Variants in TRMU observed in about 807,000 individuals in gnomAD.
TRMU encodes the protein tRNA mitochondrial 2-thiouridylase.
A neutral mutation model predicts 46.9 loss-of-function variants in TRMU; 49 were observed. The observed-to-expected ratio is 1.05, with a 90% CI of 0.83 to 1.33. The LOEUF is 1.33. Ranked by LOEUF, TRMU falls within the 40% of genes most tolerant of loss-of-function variation. The pLI, the probability that TRMU is intolerant of heterozygous loss-of-function variation, is 0.00. For missense variants in TRMU, 572 were observed against 532.4 expected (o/e 1.07, Z -0.73); for synonymous variants, 241 against 200.9 (o/e 1.20, Z -1.69).
rs1405819219 is a variant in TRMU, at chr22:46,337,717, T to C, written c.83-62T>C. On this transcript the variant is annotated intron_variant, in intron 1 of 10. Transcript: ENST00000645190. ...TGGGGAACTTCTCAGAGCTCAGAAA[T>C]CACTGCCGTTTTACCGAAGGTTGAT... 8.7e-6 allele frequency: 14 copies of C among 1,601,472 alleles called. No homozygotes were observed. In the East Asian group the frequency reaches 3.1e-4, roughly 36 times the overall value.
chr22:46,339,882 C>G lies in TRMU; in HGVS notation c.248+1938C>G, dbSNP rs1028350342. Among the ~76,000 whole-genome samples, 3 of 151,724 alleles carry G rather than the reference C, an allele frequency of 2.0e-5. No individual in the cohort carries two copies. The highest frequency in any genetic ancestry group is 2.9e-5 in the Non-Finnish European group (2 of 67,994). ...CATGATAAATGCATTAAAAACTTAT[C>G]TGTAGAATGCATGATAAATGCATTA... is the stretch of plus-strand genomic sequence containing the variant. On this transcript the variant is annotated intron_variant, in intron 2 of 10. Transcript: ENST00000645190. This position sits in a 1 kb window ranked among gnomAD's most constrained non-coding sequence, Gnocchi z 4.8.
intron 3 of TRMU, among the ~76,000 whole-genome samples, chr22:46,345,871 A>G (rs1210752733): frequency 4.6e-5 from 7 of 151,736 alleles, no homozygotes; most frequent in Non-Finnish European, 1.5e-5. Context: ...AGGTTGAAGC[A>G]ATCCTCCCAC....
chr22:46,346,837 A>T (rs764524880), intron 4 of TRMU, among the ~76,000 whole-genome samples: 2 of 152,218 alleles, frequency 1.3e-5, no homozygotes, highest in Non-Finnish European at 2.9e-5. Context: ...GAATGTTCCA[A>T]AAATATCTGG....
chr22:46,337,522 C>T (rs2078009676), intron 1 of TRMU, among the ~76,000 whole-genome samples: 1 of 152,184 alleles, frequency 6.6e-6, no homozygotes, highest in South Asian at 2.1e-4. Context: ...GGCTGATCCC[C>T]TCCTGCTAGG....
Position 46,348,686 on chromosome 22 carries a change from A to G in TRMU, c.479-1605A>G, listed in dbSNP as rs933304959. Among the ~76,000 whole-genome samples, 1 of 152,212 alleles carries G rather than the reference A, an allele frequency of 6.6e-6. No individual in the cohort carries two copies. Among genetic ancestry groups the G allele is most frequent in the African/African-American group, 2.4e-5 (1 of 41,458 alleles). On this transcript the variant is annotated intron_variant, in intron 4 of 10. Coordinates refer to ENST00000645190, the MANE Select transcript of TRMU (RefSeq NM_018006.5). This position sits in a 1 kb window ranked among gnomAD's most constrained non-coding sequence, Gnocchi z 4.8. ...CTTTCTGTGCTTTTTCCTCTATAGC[A>G]GTTCAGTTAGGGTCGCCAGCTTGCT...
rs201743550 is a variant in TRMU, at chr22:46,348,978, C to CA, written c.479-1303dup. ...TGAAACCCCATCTCTACTACAAATA[C>CA]AAAAAAAAAAGTTAGCCGAGTATGG... On this transcript the variant is annotated intron_variant, in intron 4 of 10. Coordinates refer to ENST00000645190, the MANE Select transcript of TRMU (RefSeq NM_018006.5). The surrounding 1 kb of genome is among the most constrained non-coding windows in gnomAD (Gnocchi z 4.8). Among the ~76,000 whole-genome samples the CA allele has an allele frequency of 8.2e-5, 12 of 147,008 alleles. No individual in the cohort carries two copies. Among genetic ancestry groups the CA allele is most frequent in the African/African-American group, 2.2e-4 (9 of 40,166 alleles).
intron 7 of TRMU, chr22:46,352,533 T>C: frequency 1.6e-6 from 1 of 641,124 alleles, no homozygotes. Flanking sequence ...AGATGTGGCC[T>C]CAGCTGAGAT....
At position 46,336,497 on chromosome 22, in the gene TRMU, C is replaced by A. The variant is rs1352548650; in HGVS notation, c.82+651C>A. ...GTGGCTCCCCGCGGGAGGCCTCATT[C>A]ACAGAGTCACGTTTGTGGAGCTCTG... On this transcript the variant is annotated intron_variant, in intron 1 of 10. Transcript: ENST00000645190. The surrounding 1 kb of genome is among the most constrained non-coding windows in gnomAD (Gnocchi z 4.1). 1 of 152,358 alleles carries A rather than the reference C, an allele frequency of 6.6e-6. No homozygotes were observed. The highest frequency in any genetic ancestry group is 6.5e-5 in the Admixed American group (1 of 15,298). The allele number at this position is 152,358 out of a possible 1,614,324, so 9.4% of individuals were successfully genotyped here.
rs1209580090 is a variant in TRMU at position 46,335,911 on chromosome 22, G to T, written c.82+65G>T. 4.0e-6 allele frequency: 6 copies of T among 1,518,626 alleles called. No individual in the cohort carries two copies. In the Admixed American group the frequency reaches 6.0e-5, roughly 15 times the overall value. The allele number at this position is 1,518,626 out of a possible 1,614,324, so 94.1% of individuals were successfully genotyped here. A position where few individuals can be genotyped will look rare whatever the true frequency, so the allele number is the denominator to read the frequency against. On this transcript the variant is annotated intron_variant, in intron 1 of 10. Transcript: ENST00000645190. ...TGTCCCCGGAAACCTGTCCCCGTCC[G>T]TCGTGGCGTTGTGCACGTCTCCTCC...
chr22:46,353,841 G>A lies in TRMU; in HGVS notation c.847G>A (p.Asp283Asn). Residue 283 changes from aspartate to asparagine, a missense_variant, in exon 8 of 11, where the codon GAC becomes AAC. Coordinates refer to ENST00000645190, the MANE Select transcript of TRMU (RefSeq NM_018006.5). ...LREPWYVVEK[D>N]SVKGDVFVAP... ...AGAGCCCTGGTACGTGGTGGAGAAGGACAGCGTCAAGGGTGACGTGTTTGT... is the reference window on the plus strand; with the variant it reads ...AGAGCCCTGGTACGTGGTGGAGAAGAACAGCGTCAAGGGTGACGTGTTTGT... 2 of 1,613,954 alleles carry A rather than the reference G, an allele frequency of 1.2e-6. No individual in the cohort carries two copies. Among genetic ancestry groups the A allele is most frequent in the Non-Finnish European group, 1.7e-6 (2 of 1,179,894 alleles).
At chr22:46,356,342 C>T (rs1173771398) in intron 10 of TRMU, 7 of 519,156 alleles carry the variant, frequency 1.3e-5, no homozygotes, top group Non-Finnish European at 1.1e-5. Context: ...GAAGCGAGGA[C>T]AGAAAATGGA....
chr22:46,351,567 G>A lies in TRMU; in HGVS notation c.652-554G>A, dbSNP rs1197138596. The A allele has an allele frequency of 2.1e-5, 4 of 190,844 alleles. No individual in the cohort carries two copies. Among genetic ancestry groups the A allele is most frequent in the South Asian group, 1.1e-4 (1 of 9,280 alleles). 11.8% of individuals were successfully genotyped at this position (190,844 alleles called of 1,614,324 possible). A position where few individuals can be genotyped will look rare whatever the true frequency, so the allele number is the denominator to read the frequency against. ...CCTCTTGTTTTCCGTTTCCGGTGTCGCTCTGTGGTGGGAGCCGCAGGGATG... is the reference window on the plus strand; with the variant it reads ...CCTCTTGTTTTCCGTTTCCGGTGTCACTCTGTGGTGGGAGCCGCAGGGATG... On this transcript the variant is annotated intron_variant, in intron 5 of 10. Transcript: ENST00000645190. The surrounding 1 kb of genome is among the most constrained non-coding windows in gnomAD (Gnocchi z 6.4).
In TRMU at chr22:46,351,101, AAAG is replaced by A. The variant is rs1240849676; in HGVS notation, c.651+642_651+644del. On this transcript the variant is annotated intron_variant, in intron 5 of 10. Transcript: ENST00000645190. The surrounding 1 kb of genome is among the most constrained non-coding windows in gnomAD (Gnocchi z 6.4). ...AATGGAGATGCCAAAAACGGCCTCA[AAAG>A]AAGTCACATGGAACCTGAGACCTGA... is the stretch of plus-strand genomic sequence containing the variant. Among the ~76,000 whole-genome samples, 113 of 152,312 alleles carry A rather than the reference AAAG, an allele frequency of 7.4e-4. No homozygotes were observed. Among genetic ancestry groups the A allele is most frequent in the Non-Finnish European group, 2.4e-4 (16 of 68,004 alleles).
chr22:46,346,282 GT>G (rs1240429046), intron 3 of TRMU, 139 bp from the exon 4 acceptor site: 2 of 1,001,020 alleles, frequency 2.0e-6, no homozygotes, highest in Non-Finnish European at 2.8e-6. Flanking sequence ...GGATCTCTAT[GT>G]TTGGGTGCAG....
intron 4 of TRMU, among the ~76,000 whole-genome samples, chr22:46,346,855 T>C (rs1399270163): frequency 6.6e-6 from 1 of 152,240 alleles, no homozygotes; most frequent in Non-Finnish European, 1.5e-5. Flanking sequence ...TGGGTAAATA[T>C]TTGACAGTGA....
chr22:46,355,358 G>A, intron 8 of TRMU, 86 bp from the exon 9 acceptor site: 1 of 1,554,170 alleles, frequency 6.4e-7, no homozygotes, highest in Non-Finnish European at 8.7e-7. Context: ...TGTGCTGGTA[G>A]GACAGTTGTT....
chr22:46,338,682 A>C lies in TRMU; in HGVS notation c.248+738A>C, dbSNP rs2078043639. 6.6e-6 allele frequency among the ~76,000 whole-genome samples: 1 copy of C among 152,240 alleles called. No homozygotes were observed. Among genetic ancestry groups the C allele is most frequent in the African/African-American group, 2.4e-5 (1 of 41,462 alleles). ...CAAATGGGGTAACGAGAGCAGCGTG[A>C]AGGGGAGAAGAAATGCTGATTGTGT... On this transcript the variant is annotated intron_variant, in intron 2 of 10. Transcript: ENST00000645190. The surrounding 1 kb of genome is among the most constrained non-coding windows in gnomAD (Gnocchi z 4.5).
At position 46,355,564 on chromosome 22, in the gene TRMU, C is replaced by G; in HGVS notation, c.994C>G (p.Arg332Gly). 6.2e-7 allele frequency: 1 copy of G among 1,613,354 alleles called. No individual in the cohort carries two copies. Among genetic ancestry groups the G allele is most frequent in the Non-Finnish European group, 8.5e-7 (1 of 1,180,048 alleles). The change falls in exon 9 of 11, where the codon CGA (arginine) becomes GGA (glycine). Residue 332 changes from arginine to glycine, a missense_variant. Transcript: ENST00000645190. ...VRDKMMECHF[R>G]FRHQMALVPC... Reference sequence around the variant, plus strand: ...GGACAAGATGATGGAGTGCCACTTCCGATTCCGCCACCAGATGGCACTAGG... The same window carrying G: ...GGACAAGATGATGGAGTGCCACTTCGGATTCCGCCACCAGATGGCACTAGG...
chr22:46,338,482 C>T lies in TRMU; in HGVS notation c.248+538C>T, dbSNP rs2078037917. 6.6e-6 allele frequency among the ~76,000 whole-genome samples: 1 copy of T among 152,192 alleles called. No individual in the cohort carries two copies. Among genetic ancestry groups the T allele is most frequent in the Admixed American group, 6.5e-5 (1 of 15,282 alleles). ...ACCTGGCTCTGTAGGAGTTTGCGGT[C>T]TAGTTGGGAGGACATTATCTTCACA... On this transcript the variant is annotated intron_variant, in intron 2 of 10. Coordinates refer to ENST00000645190, the MANE Select transcript of TRMU (RefSeq NM_018006.5). This position sits in a 1 kb window ranked among gnomAD's most constrained non-coding sequence, Gnocchi z 4.5.
Sources: allele counts gnomAD v4.1 joint callset (sites outside exome capture counted in the v4.1 genomes callset), GRCh38; gene constraint gnomAD v4.1.1; non-coding constraint Gnocchi (gnomAD v3.1); transcripts MANE v1.5; gene names NCBI Gene and HGNC (gene_info 2026-07-23, HGNC 2026-07-21).